MYO16: variants seen among roughly 807,000 people sequenced by gnomAD.
MYO16 encodes myosin XVI.
In MYO16, 94 loss-of-function variants were observed where a neutral mutation model predicts 205.3. The observed-to-expected ratio is 0.46, with a 90% CI of 0.39 to 0.54. The LOEUF is 0.54. Ranked by LOEUF, MYO16 falls within the 20% of genes least tolerant of loss-of-function variation. The pLI, the probability that MYO16 is intolerant of heterozygous loss-of-function variation, is 0.00. For missense variants in MYO16, 2,315 were observed against 2,387.5 expected, an observed-to-expected ratio of 0.97 and a Z score of 0.63; for synonymous variants, 988 against 954.0, an observed-to-expected ratio of 1.04 and a Z score of -0.66.
intron 16 of MYO16, among the ~76,000 whole-genome samples, chr13:108,946,797 A>G (rs1057166689): frequency 6.6e-6 from 1 of 151,964 alleles, no homozygotes; most frequent in African/African-American, 2.4e-5. Context: ...GCTTGAGTGC[A>G]GTGGCAGGAT....
rs574585696 is a variant in MYO16, at chr13:108,782,562, A to T, written c.508-3073A>T. ...GCTGCAGAAATTTGCATAAGTGGCA[A>T]GGAGCCTAATGTTAATCCCCAAGAC... On this transcript the variant is annotated intron_variant, in intron 4 of 34. Transcript: ENST00000457511. Among the ~76,000 whole-genome samples, 3 of 152,210 alleles carry T rather than the reference A, an allele frequency of 2.0e-5. No homozygotes were observed. The East Asian group carries it at 5.8e-4, about 29-fold the overall frequency.
At chr13:108,615,955 C>CAAA (rs1267136909) in intron 1 of MYO16, among the ~76,000 whole-genome samples, 1 of 152,184 alleles carries the variant, frequency 6.6e-6, no homozygotes, top group Non-Finnish European at 1.5e-5. Flanking sequence ...TTTCTCTGCA[C>CAAA]AAATGCAGTC....
At chr13:109,028,718 C>A (rs1295759164) in intron 23 of MYO16, among the ~76,000 whole-genome samples, 1 of 150,724 alleles carries the variant, frequency 6.6e-6, no homozygotes, top group Non-Finnish European at 1.5e-5. Flanking sequence ...GTCAGGATTC[C>A]TTCGTTGTAG....
intron 21 of MYO16, among the ~76,000 whole-genome samples, chr13:109,001,434 A>G (rs1467678845): frequency 6.6e-6 from 1 of 152,204 alleles, no homozygotes; most frequent in African/African-American, 2.4e-5. Context: ...GCTTATCGGC[A>G]GAGGTAGTAT....
chr13:108,660,822 T>G (rs1881469409), intron 1 of MYO16, among the ~76,000 whole-genome samples: 1 of 152,228 alleles, frequency 6.6e-6, no homozygotes, highest in African/African-American at 2.4e-5. Context: ...TCATGCTTGT[T>G]GTTGCCTGTG....
Position 109,140,630 on chromosome 13 carries a change from T to C in MYO16, c.4418T>C (p.Leu1473Pro). 1.3e-6 allele frequency: 2 copies of C among 1,517,406 alleles called. No homozygotes were observed. Among genetic ancestry groups the C allele is most frequent in the Non-Finnish European group, 8.8e-7 (1 of 1,137,412 alleles). 94.0% of individuals were successfully genotyped at this position (1,517,406 alleles called of 1,614,324 possible). ...GGCGGCCCGGGCGCGGGCTCCTTCC[T>C]GCTCCACGGCGCATCGCCGCCCCTG... Reference protein sequence around the residue: ...DDGGPGAGSFLLHGASPPLLH... With the variant: ...DDGGPGAGSFPLHGASPPLLH... The change falls in exon 32 of 35, where the codon CTG (leucine) becomes CCG (proline). Residue 1473 changes from leucine (L) to proline (P), a missense_variant. Leu to Pro is a moderately conservative substitution (Grantham distance 98). Around this residue, in one of 3 missense-constraint regions of MYO16, gnomAD observed 1,097 missense variants for 1,092.0 expected, o/e 1.00. Coordinates refer to ENST00000457511, the MANE Select transcript of MYO16 (RefSeq NM_001198950.3). This position sits in a 1 kb window ranked among gnomAD's most constrained non-coding sequence, Gnocchi z 8.0.
At chr13:109,128,325 T>C (rs1357196022) in intron 31 of MYO16, among the ~76,000 whole-genome samples, 1 of 152,210 alleles carries the variant, frequency 6.6e-6, no homozygotes, top group Non-Finnish European at 1.5e-5. Context: ...ACTGGATTGT[T>C]GCTGCTGAGA....
chr13:108,817,698 C>G (rs1387093228), intron 7 of MYO16, among the ~76,000 whole-genome samples: 1 of 152,172 alleles, frequency 6.6e-6, no homozygotes, highest in Non-Finnish European at 1.5e-5. Context: ...ACAGCTAAGA[C>G]GGCTTCAGTG....
chr13:108,894,627 C>T (rs991593170), intron 14 of MYO16, among the ~76,000 whole-genome samples: 6 of 152,136 alleles, frequency 3.9e-5, no homozygotes, highest in African/African-American at 1.2e-4. Flanking sequence ...AGGTCAAACA[C>T]TTATTCTTAC....
At chr13:109,071,554 A>T (rs777379958) in intron 27 of MYO16, among the ~76,000 whole-genome samples, 2 of 152,172 alleles carry the variant, frequency 1.3e-5, no homozygotes, top group Non-Finnish European at 2.9e-5. Context: ...TCAGAATACA[A>T]CATGTGGCAT....
intron 27 of MYO16, among the ~76,000 whole-genome samples, chr13:109,090,317 C>G (rs1280659913): frequency 6.6e-6 from 1 of 152,204 alleles, no homozygotes; most frequent in Non-Finnish European, 1.5e-5. Flanking sequence ...GTGCAAAAGC[C>G]ATCGCAAGAT....
intron 4 of MYO16, among the ~76,000 whole-genome samples, chr13:108,733,979 A>G (rs1200524586): frequency 6.6e-6 from 1 of 152,190 alleles, no homozygotes; most frequent in Admixed American, 6.5e-5. Context: ...AAAAAAAAAT[A>G]AATAAATAAC....
At chr13:108,896,237 T>G (rs1880406736) in intron 14 of MYO16, among the ~76,000 whole-genome samples, 1 of 152,174 alleles carries the variant, frequency 6.6e-6, no homozygotes, top group African/African-American at 2.4e-5. Context: ...ACTTTAAAAA[T>G]AATTGTTTAA....
intron 1 of MYO16, among the ~76,000 whole-genome samples, chr13:108,598,073 AC>A (rs1229127336): frequency 6.6e-6 from 1 of 152,184 alleles, no homozygotes; most frequent in East Asian, 1.9e-4. Context: ...AATCACCAGC[AC>A]CTTGGAGATA....
intron 33 of MYO16, among the ~76,000 whole-genome samples, chr13:109,175,774 A>C (rs1380765368): frequency 1.3e-5 from 2 of 151,222 alleles, no homozygotes; most frequent in Non-Finnish European, 2.9e-5. Flanking sequence ...CCACCTTTTA[A>C]TGAAGGCACA....
intron 31 of MYO16, among the ~76,000 whole-genome samples, chr13:109,137,979 C>G (rs1350663041): frequency 6.6e-6 from 1 of 152,158 alleles, no homozygotes; most frequent in Non-Finnish European, 1.5e-5. Flanking sequence ...GGTGTATTTC[C>G]TTTTTTGTTG....
At chr13:108,802,134 A>G (rs898794544) in intron 6 of MYO16, among the ~76,000 whole-genome samples, 2 of 152,218 alleles carry the variant, frequency 1.3e-5, no homozygotes, top group African/African-American at 4.8e-5. Flanking sequence ...TAACATGTAT[A>G]ATACATTTTT....
At chr13:108,694,869 T>C (rs1005455900) in intron 2 of MYO16, among the ~76,000 whole-genome samples, 5 of 152,098 alleles carry the variant, frequency 3.3e-5, no homozygotes, top group African/African-American at 1.2e-4. Context: ...TCCCAGCACT[T>C]TGGGAGGCTG....
At chr13:108,892,650 T>G (rs1047317767) in intron 14 of MYO16, among the ~76,000 whole-genome samples, 88 of 152,326 alleles carry the variant, frequency 5.8e-4, no homozygotes, top group African/African-American at 2.1e-3. Context: ...TTAGAGTACG[T>G]GTAAAACAAC....
Sources: allele counts gnomAD v4.1 joint callset (sites outside exome capture counted in the v4.1 genomes callset), GRCh38; gene constraint gnomAD v4.1.1; regional missense constraint gnomAD v4.1.1; non-coding constraint Gnocchi (gnomAD v3.1); transcripts MANE v1.5; gene names NCBI Gene and HGNC (gene_info 2026-07-23, HGNC 2026-07-21).